The following HIVEP2 variants were observed in gnomAD, a reference collection of about 807,000 sequenced individuals.
HIVEP2 encodes transcription factor HIVEP2.
In HIVEP2, 14 loss-of-function variants were observed where a neutral mutation model predicts 180.7. That is an observed-to-expected ratio of 0.08 (90% CI 0.05 to 0.12). HIVEP2 has a LOEUF of 0.12. Ranked by LOEUF, HIVEP2 falls within the 10% of genes least tolerant of loss-of-function variation. The pLI, the probability that HIVEP2 is intolerant of heterozygous loss-of-function variation, is 1.00. For missense variants in HIVEP2, 2,579 were observed against 3,008.5 expected (o/e 0.86, Z 3.34); for synonymous variants, 1,184 against 1,136.4 (o/e 1.04, Z -0.84).
chr6:142,867,490 T>C (rs1429740771), intron 1 of HIVEP2, among the ~76,000 whole-genome samples: 1 of 152,186 alleles, frequency 6.6e-6, no homozygotes, highest in Non-Finnish European at 1.5e-5. Context: ...GCAACAGATA[T>C]GCTTTTGGTA....
chr6:142,872,702 T>C lies in HIVEP2; in HGVS notation c.-640-35655A>G, dbSNP rs540312677. Among the ~76,000 whole-genome samples the C allele has an allele frequency of 6.6e-5, 10 of 152,302 alleles. No homozygotes were observed. The South Asian group carries it at 2.1e-3, about 32-fold the overall frequency. On this transcript the variant is annotated intron_variant, in intron 1 of 9. Transcript: ENST00000367603. ...CCTGCCAAACCAAAACTAAGAGAGA[T>C]ACTGTGATTTATCTAAACCCAGAGA... is the stretch of plus-strand genomic sequence containing the variant.
intron 2 of HIVEP2, among the ~76,000 whole-genome samples, chr6:142,800,921 T>C (rs1386309041): frequency 6.6e-6 from 1 of 151,990 alleles, no homozygotes; most frequent in Non-Finnish European, 1.5e-5. Flanking sequence ...TGTTAATGAG[T>C]AAATAATGGC....
At chr6:142,764,013 AG>A (rs1158726962) in intron 7 of HIVEP2, among the ~76,000 whole-genome samples, 1 of 152,170 alleles carries the variant, frequency 6.6e-6, no homozygotes, top group East Asian at 1.9e-4. Flanking sequence ...TAAAGTGTTG[AG>A]GGGGTGCCTA....
At chr6:142,864,387 C>A (rs1404080345) in intron 1 of HIVEP2, among the ~76,000 whole-genome samples, 1 of 152,184 alleles carries the variant, frequency 6.6e-6, no homozygotes, top group Non-Finnish European at 1.5e-5. Context: ...CACAGCTTAT[C>A]ACTCAGAATG....
intron 1 of HIVEP2, among the ~76,000 whole-genome samples, chr6:142,903,782 T>C (rs1478163972): frequency 6.6e-6 from 1 of 152,180 alleles, no homozygotes; most frequent in African/African-American, 2.4e-5. Context: ...GGATGTCTTC[T>C]TAGAGTCTAC....
intron 2 of HIVEP2, among the ~76,000 whole-genome samples, chr6:142,820,297 T>TTCTCTCTCTCTCTCTCTCTC (rs3057563): frequency 4.7e-4 from 70 of 148,396 alleles, no homozygotes; most frequent in Non-Finnish European, 6.4e-4. Context: ...TCGCTCTCTC[T>TTCTCTCTCTCTCTCTCTCTC]TCTCTCTCTC....
At chr6:142,757,232 A>T (rs1775100044) in intron 9 of HIVEP2, among the ~76,000 whole-genome samples, 2 of 152,192 alleles carry the variant, frequency 1.3e-5, no homozygotes, top group Non-Finnish European at 2.9e-5. Context: ...CTGTCCCTAC[A>T]TCAGGGAGGA....
intron 2 of HIVEP2, among the ~76,000 whole-genome samples, chr6:142,792,277 TAAG>T (rs1234248076): frequency 6.6e-6 from 1 of 152,064 alleles, no homozygotes; most frequent in East Asian, 1.9e-4. Flanking sequence ...GAATAAAGAT[TAAG>T]AAGAAGTTTG....
chr6:142,945,348 TC>T (rs1186649642), upstream of HIVEP2: 4 of 151,554 alleles, frequency 2.6e-5, no homozygotes, highest in Non-Finnish European at 5.9e-5. This position sits in a 1 kb window ranked among gnomAD's most constrained non-coding sequence, Gnocchi z 5.5. Flanking sequence ...CCTCCGACCC[TC>T]ACCCTCGGGC....
At chr6:142,935,376 C>A (rs1778027609) in intron 1 of HIVEP2, among the ~76,000 whole-genome samples, 1 of 152,138 alleles carries the variant, frequency 6.6e-6, no homozygotes, top group Non-Finnish European at 1.5e-5. Context: ...TGGCAAAACC[C>A]TGTCTCCACA....
chr6:142,912,524 A>G (rs1364080384), intron 1 of HIVEP2, among the ~76,000 whole-genome samples: 3 of 152,192 alleles, frequency 2.0e-5, no homozygotes, highest in Non-Finnish European at 4.4e-5. Flanking sequence ...TCTCAAGGCC[A>G]GTGGGTCATG....
chr6:142,879,751 G>T (rs1213131329), intron 1 of HIVEP2, among the ~76,000 whole-genome samples: 1 of 152,060 alleles, frequency 6.6e-6, no homozygotes, highest in African/African-American at 2.4e-5. Context: ...GGCTTCCACA[G>T]TCTCTTCTCC....
At chr6:142,811,183 A>ATGTGTGTG (rs35151863) in intron 2 of HIVEP2, among the ~76,000 whole-genome samples, 1 of 148,626 alleles carries the variant, frequency 6.7e-6, no homozygotes, top group East Asian at 2.0e-4. Context: ...AGGCACGTGC[A>ATGTGTGTG]TGTGTGTGTG....
chr6:142,785,940 A>C (rs1775988313), intron 2 of HIVEP2, among the ~76,000 whole-genome samples: 1 of 152,230 alleles, frequency 6.6e-6, no homozygotes, highest in Non-Finnish European at 1.5e-5. Context: ...AGATGCAAAT[A>C]ATATTAGCAT....
Position 142,753,529 on chromosome 6 carries a change from T to G in HIVEP2, c.6919A>C (p.Lys2307Gln). ...AGGCTGTCTTCCGAAGTGCTCTGTT[T>G]CATCAACAGCCGAGGAGAGGAGGGA... is the stretch of plus-strand genomic sequence containing the variant. The part of the protein sequence containing the change: ...STPSSPRLLM[K>Q]QSTSEDSLNA... Residue 2307 changes from lysine (K) to glutamine (Q), a missense_variant, in exon 10 of 10, where the codon AAA (lysine) becomes CAA (glutamine). Around this residue, in one of 11 missense-constraint regions of HIVEP2, gnomAD observed 660 missense variants for 731.7 expected, o/e 0.90. Coordinates refer to ENST00000367603, the MANE Select transcript of HIVEP2 (RefSeq NM_006734.4). The G allele has an allele frequency of 6.2e-7, 1 of 1,614,164 alleles. No individual in the cohort carries two copies. Among genetic ancestry groups the G allele is most frequent in the East Asian group, 2.2e-5 (1 of 44,888 alleles).
At chr6:142,854,179 C>T (rs1775760485) in intron 1 of HIVEP2, among the ~76,000 whole-genome samples, 1 of 152,136 alleles carries the variant, frequency 6.6e-6, no homozygotes, top group South Asian at 2.1e-4. Context: ...GGTGATTCTG[C>T]CCCCTTAAGA....
intron 2 of HIVEP2, among the ~76,000 whole-genome samples, chr6:142,785,639 G>A (rs1775981376): frequency 1.3e-5 from 2 of 152,324 alleles, no homozygotes; most frequent in African/African-American, 4.8e-5. Flanking sequence ...AACAAGCTCT[G>A]ATGGGACAGC....
At chr6:142,922,365 C>T (rs1777702972) in intron 1 of HIVEP2, among the ~76,000 whole-genome samples, 1 of 152,198 alleles carries the variant, frequency 6.6e-6, no homozygotes, top group Non-Finnish European at 1.5e-5. Context: ...AATTGCAAGT[C>T]AGTTCCTTCA....
rs574412335 is a variant in HIVEP2, at chr6:142,838,820, T to C, written c.-640-1773A>G. Among the ~76,000 whole-genome samples the C allele has an allele frequency of 1.2e-4, 18 of 152,260 alleles. No individual in the cohort carries two copies. The South Asian group carries it at 3.5e-3, about 30-fold the overall frequency. On this transcript the variant is annotated intron_variant, in intron 1 of 9. Coordinates refer to ENST00000367603, the MANE Select transcript of HIVEP2 (RefSeq NM_006734.4). ...CCTCTTCATTTCTTAGGTAGGGTAT[T>C]GTTTTCTAAAATTATGTAATTCTTG... is the stretch of plus-strand genomic sequence containing the variant.
Sources: allele counts gnomAD v4.1 joint callset (sites outside exome capture counted in the v4.1 genomes callset), GRCh38; gene constraint gnomAD v4.1.1; regional missense constraint gnomAD v4.1.1; non-coding constraint Gnocchi (gnomAD v3.1); transcripts MANE v1.5; gene names NCBI Gene and HGNC (gene_info 2026-07-23, HGNC 2026-07-21).